Variants in COL18A1 observed in about 807,000 individuals in gnomAD.
The protein encoded by COL18A1 is collagen type XVIII alpha 1 chain, also known as collagen alpha-1(XVIII) chain.
In COL18A1, 133 loss-of-function variants were observed where a neutral mutation model predicts 168.0. That is an observed-to-expected ratio of 0.79 (90% CI 0.69 to 0.91). The LOEUF (loss-of-function observed/expected upper bound fraction) is 0.91, where lower values mean the gene tolerates loss of function less well. COL18A1 is among the 40% of genes least tolerant of loss of function. The probability of loss-of-function intolerance (pLI) is 0.00; values close to 1 mark genes in which losing one functional copy is unlikely to be tolerated. For synonymous variants in COL18A1, 949 were observed against 809.0 expected (o/e 1.17, Z -2.94); for missense variants, 2,126 against 1,925.4 (o/e 1.10, Z -1.95).
chr21:45,405,307 C>CG (rs2033048172), intron 1 of COL18A1, 66 bp downstream of exon 1: 6 of 784,810 alleles, frequency 7.6e-6, no homozygotes, highest in Admixed American at 5.5e-5. Context: ...TCGCGGGGGT[C>CG]GCGGGGCTCG....
At position 45,405,483 on chromosome 21, in the gene COL18A1, G is replaced by A. The variant is rs561528069; in HGVS notation, c.106+10G>A. 5.2e-5 allele frequency: 71 copies of A among 1,354,714 alleles called. No homozygotes were observed. The African/African-American group carries it at 9.7e-4, about 18-fold the overall frequency. The allele number at this position is 1,354,714 out of a possible 1,614,324, so 83.9% of individuals were successfully genotyped here. ...GCCTCCGCGGAGCCAGGTAAGACCC[G>A]GGCGGGACGGGAAGGTTCGCGCCGG... is the stretch of plus-strand genomic sequence containing the variant. On this transcript the variant is annotated intron_variant, in intron 2 of 41. Transcript: ENST00000651438.
At chr21:45,506,789 GGAGCCCTCCCACCTTCCCTCTAGCACT>G (rs1568945942) in intron 37 of COL18A1, 2 of 36,388 alleles carry the variant, frequency 5.5e-5, no homozygotes, top group African/African-American at 2.7e-4. Flanking sequence ...CCTTCCCTCT[GGAGCCCTCCCACCTTCCCTCTAGCACT>G]CCCTCCCTCT....
chr21:45,506,311 G>GCC lies in COL18A1; in HGVS notation c.3216+347_3216+348dup, dbSNP rs1390286743. 130 of 368,486 alleles carry GCC rather than the reference G, an allele frequency of 3.5e-4. 1 individual carries two copies. The East Asian group carries it at 8.7e-3, about 25-fold the overall frequency. 22.8% of individuals were successfully genotyped at this position (368,486 alleles called of 1,614,324 possible). ...GGGACGAGGCGGCAGGGGGGCTCAG[G>GCC]CCCTCCAGGGCCACGTGACGTCCAC... On this transcript the variant is annotated intron_variant, in intron 37 of 41. Coordinates refer to ENST00000651438, the MANE Select transcript of COL18A1 (RefSeq NM_001379500.1).
intron 4 of COL18A1, 92 bp from the exon 5 acceptor site, chr21:45,475,384 C>T: frequency 8.5e-6 from 10 of 1,174,144 alleles, no homozygotes; most frequent in South Asian, 3.9e-5. Flanking sequence ...CTGGAGGAGG[C>T]GAGAGCAGCG....
Position 45,498,192 on chromosome 21 carries a change from C to G in COL18A1, c.2683+531C>G. The G allele has an allele frequency of 1.4e-6, 1 of 696,922 alleles. No individual in the cohort carries two copies. The highest frequency in any genetic ancestry group is 2.6e-6 in the Non-Finnish European group (1 of 381,266). The allele number at this position is 696,922 out of a possible 1,614,324, so 43.2% of individuals were successfully genotyped here. A position where few individuals can be genotyped will look rare whatever the true frequency, so the allele number is the denominator to read the frequency against. On this transcript the variant is annotated intron_variant, in intron 32 of 41. Coordinates refer to ENST00000651438, the MANE Select transcript of COL18A1 (RefSeq NM_001379500.1). This position sits in a 1 kb window ranked among gnomAD's most constrained non-coding sequence, Gnocchi z 4.5. Reference sequence around the variant, plus strand: ...GATGTCCTGCCAAGACCACTGAGAACAGCTGGATAAAATGTGAGAAAACCA... The same window carrying G: ...GATGTCCTGCCAAGACCACTGAGAAGAGCTGGATAAAATGTGAGAAAACCA...
At chr21:45,454,667 G>A (rs1383790110) in intron 2 of COL18A1, among the ~76,000 whole-genome samples, 7 of 152,230 alleles carry the variant, frequency 4.6e-5, no homozygotes, top group African/African-American at 9.6e-5. Flanking sequence ...GGTCCTCAGA[G>A]GGCATAAGGC....
chr21:45,451,491 G>A (rs936016492), intron 2 of COL18A1, among the ~76,000 whole-genome samples: 14 of 152,196 alleles, frequency 9.2e-5, no homozygotes, highest in African/African-American at 3.4e-4. Context: ...CGCCTTTCCG[G>A]GATCCCACGG....
chr21:45,408,385 C>T (rs1038204934), intron 2 of COL18A1: 2 of 152,292 alleles, frequency 1.3e-5, no homozygotes, highest in African/African-American at 4.8e-5. Context: ...CCCCCGCAGG[C>T]GTGTGATTCT....
chr21:45,485,624 G>C (rs929847408), intron 15 of COL18A1, among the ~76,000 whole-genome samples: 5 of 152,240 alleles, frequency 3.3e-5, no homozygotes, highest in Non-Finnish European at 5.9e-5. Context: ...GGTGGTACAT[G>C]GTGCCCACCT....
At chr21:45,472,393 T>A (rs1405729955) in intron 3 of COL18A1, among the ~76,000 whole-genome samples, 1 of 152,174 alleles carries the variant, frequency 6.6e-6, no homozygotes, top group African/African-American at 2.4e-5. Context: ...CAGGCTGATT[T>A]TTTGTATTAT....
intron 38 of COL18A1, among the ~76,000 whole-genome samples, chr21:45,508,461 G>A (rs1177400773): frequency 7.8e-6 from 1 of 128,706 alleles, no homozygotes; most frequent in South Asian, 2.6e-4. Flanking sequence ...GTGGATGGGT[G>A]GATGGACAGG....
At chr21:45,482,926 C>G in intron 15 of COL18A1, 105 bp downstream of exon 15, 4 of 1,559,642 alleles carry the variant, frequency 2.6e-6, no homozygotes, top group Non-Finnish European at 3.5e-6. Flanking sequence ...AGTGAGCTCT[C>G]TTGGGGCTGG....
rs1568936460 is a variant in COL18A1 at position 45,501,990 on chromosome 21, CT to C, written c.2684-2020del. On this transcript the variant is annotated intron_variant, in intron 32 of 41. Coordinates refer to ENST00000651438, the MANE Select transcript of COL18A1 (RefSeq NM_001379500.1). ...GGTCACCTCCCTCTGCAGAAGGACC[CT>C]CAGGGGCTCCACAGCCGGTCACCTC... Among the ~76,000 whole-genome samples, 8 of 79,108 alleles carry C rather than the reference CT, an allele frequency of 1.0e-4. 1 individual carries two copies. Among genetic ancestry groups the C allele is most frequent in the South Asian group, 3.9e-4 (1 of 2,542 alleles). 51.9% of individuals were successfully genotyped at this position (79,108 alleles called of 152,430 possible).
At chr21:45,475,805 C>T (rs1602480183) in intron 5 of COL18A1, among the ~76,000 whole-genome samples, 1 of 152,266 alleles carries the variant, frequency 6.6e-6, no homozygotes, top group African/African-American at 2.4e-5. Flanking sequence ...ACTCCTTGGT[C>T]TTCGAGGCAA....
intron 2 of COL18A1, among the ~76,000 whole-genome samples, chr21:45,418,308 G>A (rs919828668): frequency 2.0e-5 from 3 of 152,158 alleles, no homozygotes; most frequent in South Asian, 2.1e-4. Flanking sequence ...CCCTTCCCAC[G>A]CCTGCCCGCC....
Position 45,512,880 on chromosome 21 carries a change from T to TCCAGG in COL18A1, c.*483_*487dup. 3 of 230,550 alleles carry TCCAGG rather than the reference T, an allele frequency of 1.3e-5. No homozygotes were observed. The highest frequency in any genetic ancestry group is 8.7e-6 in the Non-Finnish European group (1 of 114,668). 14.3% of individuals were successfully genotyped at this position (230,550 alleles called of 1,614,324 possible). A position where few individuals can be genotyped will look rare whatever the true frequency, so the allele number is the denominator to read the frequency against. Reference sequence around the variant, plus strand: ...CTCAGCACAAGGCCATCTGGGCTCCTCCAGGGTGTGTGCTCGCCCTGCGGT... The same window carrying TCCAGG: ...CTCAGCACAAGGCCATCTGGGCTCCTCCAGGCCAGGGTGTGTGCTCGCCCTGCGGT... On this transcript the variant is annotated 3_prime_UTR_variant, in exon 42 of 42. Coordinates refer to ENST00000651438, the MANE Select transcript of COL18A1 (RefSeq NM_001379500.1).
intron 2 of COL18A1, chr21:45,408,076 G>GT (rs2033171836): frequency 6.6e-6 from 1 of 152,262 alleles, no homozygotes; most frequent in Non-Finnish European, 1.5e-5. Flanking sequence ...AGCAAAACTT[G>GT]TTTTTCAGGG....
In COL18A1 at chr21:45,477,935, G is replaced by A; in HGVS notation, c.1191G>A (p.Arg397=). The A allele has an allele frequency of 1.9e-6, 3 of 1,559,496 alleles. No homozygotes were observed. Among genetic ancestry groups the A allele is most frequent in the Non-Finnish European group, 2.6e-6 (3 of 1,149,926 alleles). Residue 397 remains arginine, a synonymous_variant, in exon 8 of 42, where the codon AGG becomes AGA. Coordinates refer to ENST00000651438, the MANE Select transcript of COL18A1 (RefSeq NM_001379500.1). Reference sequence around the variant, plus strand: ...AAGGACCCCCAGGGCCTCCGGGGAGGGACGGCACCCCTGGAAGGGACGGCG... The same window carrying A: ...AAGGACCCCCAGGGCCTCCGGGGAGAGACGGCACCCCTGGAAGGGACGGCG... The part of the protein sequence containing the change: ...GPQGPPGPPG[R]DGTPGRDGEP...
chr21:45,501,276 G>T (rs1249901714), intron 32 of COL18A1, among the ~76,000 whole-genome samples: 1 of 152,036 alleles, frequency 6.6e-6, no homozygotes, highest in Non-Finnish European at 1.5e-5. Context: ...TTGGCAAAGT[G>T]AAAAAGAAAA....
Sources: gnomAD v4.1 joint callset for allele counts (sites outside exome capture counted in the v4.1 genomes callset) on GRCh38, gnomAD v4.1.1 for gene constraint, Gnocchi (gnomAD v3.1) non-coding constraint, MANE v1.5 for transcripts, NCBI Gene and HGNC (gene_info 2026-07-23, HGNC 2026-07-21) for gene names.